NDUFA8: variants seen among roughly 807,000 people sequenced by gnomAD.
NDUFA8 encodes NADH:ubiquinone oxidoreductase subunit A8.
In NDUFA8, 16 loss-of-function variants were observed where a neutral mutation model predicts 20.9. The observed-to-expected ratio is 0.77, with a 90% CI of 0.52 to 1.16. NDUFA8 has a LOEUF of 1.16. Ranked by LOEUF, NDUFA8 falls within the 50% of genes most tolerant of loss-of-function variation. NDUFA8 has a pLI of 0.00. For synonymous variants in NDUFA8, 70 were observed against 76.1 expected, an observed-to-expected ratio of 0.92 and a Z score of 0.41; for missense variants, 202 against 216.4, an observed-to-expected ratio of 0.93 and a Z score of 0.42.
chr9:122,144,301 C>T lies in NDUFA8; in HGVS notation c.459G>A (p.Glu153=). 6.2e-7 allele frequency: 1 copy of T among 1,614,170 alleles called. No individual in the cohort carries two copies. The highest frequency in any genetic ancestry group is 8.5e-7 in the Non-Finnish European group (1 of 1,180,034). ...HSRPRPDPSP[E]IEGDLQPATH... is the part of the protein sequence containing the mutation. ...TGGCAGGCTGCAGATCTCCCTCGAT[C>T]TCAGGGCTGGGATCCGGTCTTGGTC... The change falls in exon 4 of 4, where the codon GAG becomes GAA. Residue 153 remains glutamate (E), a synonymous_variant. Transcript: ENST00000373768.
chr9:122,142,123 C>G (rs1418805136), downstream of NDUFA8, among the ~76,000 whole-genome samples: 1 of 152,198 alleles, frequency 6.6e-6, no homozygotes, highest in African/African-American at 2.4e-5. Context: ...CCTGTGTGAT[C>G]TATGGACCAG....
intron 1 of NDUFA8, 99 bp from the exon 2 acceptor site, chr9:122,152,507 A>G (rs1829018888): frequency 1.8e-6 from 2 of 1,140,610 alleles, no homozygotes; most frequent in South Asian, 2.6e-5. Flanking sequence ...ACACAAAAGT[A>G]GCACTGTTCT....
chr9:122,145,890 C>G (rs1828897131), intron 3 of NDUFA8, among the ~76,000 whole-genome samples: 1 of 152,238 alleles, frequency 6.6e-6, no homozygotes, highest in African/African-American at 2.4e-5. Flanking sequence ...TGGCTCATGC[C>G]TGTAATCCCC....
chr9:122,134,095 G>C, the NDUFA8 span, among the ~76,000 whole-genome samples: 17 of 152,190 alleles, frequency 1.1e-4, no homozygotes, highest in Admixed American at 5.2e-4. Flanking sequence ...GATCAAAGGA[G>C]GTGATAACAG....
chr9:122,152,192 C>A, intron 2 of NDUFA8, 53 bp downstream of exon 2: 1 of 1,600,538 alleles, frequency 6.2e-7, no homozygotes, highest in South Asian at 1.1e-5. Context: ...TTCACTTATT[C>A]ATTTAAACCT....
the NDUFA8 span, among the ~76,000 whole-genome samples, chr9:122,138,586 T>C: frequency 6.6e-6 from 1 of 152,232 alleles, no homozygotes; most frequent in African/African-American, 2.4e-5. Flanking sequence ...TTAACTAGGC[T>C]ACTCTCTTTT....
chr9:122,141,184 A>G (rs946231588), downstream of NDUFA8, among the ~76,000 whole-genome samples: 4 of 152,194 alleles, frequency 2.6e-5, no homozygotes, highest in African/African-American at 9.7e-5. Context: ...AAGTAAGATA[A>G]TGATGGGGAA....
the NDUFA8 span, among the ~76,000 whole-genome samples, chr9:122,135,401 ACCAG>A: frequency 6.6e-6 from 1 of 152,250 alleles, no homozygotes; most frequent in Non-Finnish European, 1.5e-5. Context: ...CTCATGAGTC[ACCAG>A]ACAGAGTGGC....
At chr9:122,136,949 G>A in the NDUFA8 span, among the ~76,000 whole-genome samples, 1 of 152,118 alleles carries the variant, frequency 6.6e-6, no homozygotes, top group Non-Finnish European at 1.5e-5. Context: ...TTAGGCTTCT[G>A]ATGCTCAGGT....
At chr9:122,147,617 A>ATTTT (rs34576446) in intron 3 of NDUFA8, among the ~76,000 whole-genome samples, 3,503 of 106,724 alleles carry the variant, frequency 0.033, 146 homozygotes, top group Admixed American at 0.037. Flanking sequence ...GCCTAAAGAA[A>ATTTT]TTTTTTTTTT....
At chr9:122,144,686 T>C (rs1466856122) in intron 3 of NDUFA8, among the ~76,000 whole-genome samples, 1 of 152,174 alleles carries the variant, frequency 6.6e-6, no homozygotes, top group Admixed American at 6.5e-5. Context: ...ATCACCCTGA[T>C]GGCTAATGGC....
intron 2 of NDUFA8, among the ~76,000 whole-genome samples, chr9:122,150,544 C>A (rs550592949): frequency 6.6e-6 from 1 of 150,880 alleles, no homozygotes; most frequent in Non-Finnish European, 1.5e-5. Flanking sequence ...ATGATCTATA[C>A]GCAAAGGTAA....
downstream of NDUFA8, among the ~76,000 whole-genome samples, chr9:122,141,618 T>C (rs1828822296): frequency 6.6e-6 from 1 of 152,130 alleles, no homozygotes; most frequent in Admixed American, 6.6e-5. Context: ...AAATTTCCTT[T>C]GGGGATATAA....
Position 122,152,275 on chromosome 9 carries a change from A to G in NDUFA8, c.185T>C (p.Leu62Pro). ...GAAGTCCAAAGCACACTTGTTGACC[A>G]GTTTGCCTTCCTCTAAACACCGCCT... ...DPRRCLEEGK[L>P]VNKCALDFFR... The change falls in exon 2 of 4, where the codon CTG becomes CCG. Residue 62 changes from leucine to proline, a missense_variant. By Grantham distance (98) the Leu-to-Pro change is moderately conservative. Coordinates refer to ENST00000373768, the MANE Select transcript of NDUFA8 (RefSeq NM_014222.3). 6.2e-7 allele frequency: 1 copy of G among 1,614,232 alleles called. No individual in the cohort carries two copies. Among genetic ancestry groups the G allele is most frequent in the Non-Finnish European group, 8.5e-7 (1 of 1,180,036 alleles).
At chr9:122,139,299 C>T (rs550117482), downstream of NDUFA8, among the ~76,000 whole-genome samples, 140 of 152,356 alleles carry the variant, frequency 9.2e-4, no homozygotes, top group African/African-American at 3.3e-3. Context: ...GAAGCTCAAA[C>T]TGCGCTTGCT....
rs922627963 is a variant in NDUFA8, at chr9:122,159,694, A to T, written c.-17T>A. The stretch of plus-strand genomic sequence containing the variant: ...CCCCGGCATGACGGCTGCAGCCCCG[A>T]CCCCGACGAGAAGCCCTCAGCCGCG... On this transcript the variant is annotated 5_prime_UTR_variant, in exon 1 of 4. Coordinates refer to ENST00000373768, the MANE Select transcript of NDUFA8 (RefSeq NM_014222.3). 6.2e-7 allele frequency: 1 copy of T among 1,613,574 alleles called. No homozygotes were observed. The highest frequency in any genetic ancestry group is 1.3e-5 in the African/African-American group (1 of 74,780).
At chr9:122,136,067 T>C in the NDUFA8 span, among the ~76,000 whole-genome samples, 1 of 152,240 alleles carries the variant, frequency 6.6e-6, no homozygotes, top group Non-Finnish European at 1.5e-5. Context: ...GTCACTTTCG[T>C]CCTTTTCACA....
the NDUFA8 span, among the ~76,000 whole-genome samples, chr9:122,134,892 C>T: frequency 1.2e-4 from 19 of 152,316 alleles, no homozygotes; most frequent in East Asian, 2.5e-3. Context: ...TCACCCGGCA[C>T]GAGAGGGCGA....
intron 3 of NDUFA8, among the ~76,000 whole-genome samples, chr9:122,146,847 G>A (rs1828911559): frequency 6.6e-6 from 1 of 152,226 alleles, no homozygotes; most frequent in African/African-American, 2.4e-5. Context: ...AGTGAGCTGT[G>A]ATCGCACCAC....
Sources: allele counts gnomAD v4.1 joint callset (sites outside exome capture counted in the v4.1 genomes callset), GRCh38; gene constraint gnomAD v4.1.1; transcripts MANE v1.5; gene names NCBI Gene and HGNC (gene_info 2026-07-23, HGNC 2026-07-21).